CCDC57: variants seen among roughly 807,000 people sequenced by gnomAD.
CCDC57 encodes the protein coiled-coil domain containing 57, also known as coiled-coil domain-containing protein 57.
A neutral mutation model predicts 118.9 loss-of-function variants in CCDC57; 118 were observed. The ratio of observed to expected loss-of-function variants is 0.99; its 90% CI spans 0.86 to 1.16. The LOEUF (loss-of-function observed/expected upper bound fraction) is 1.16, where lower values mean the gene tolerates loss of function less well. Among genes scored for constraint, CCDC57 ranks in the 50% most tolerant of loss-of-function variants. The pLI is 0.00. For missense variants in CCDC57, 1,300 were observed against 1,320.7 expected (o/e 0.98, Z 0.24); for synonymous variants, 527 against 532.9 (o/e 0.99, Z 0.15).
At chr17:82,195,780 C>T (rs2048228955) in intron 4 of CCDC57, among the ~76,000 whole-genome samples, 1 of 152,130 alleles carries the variant, frequency 6.6e-6, no homozygotes, top group Non-Finnish European at 1.5e-5. Flanking sequence ...AACTAAAAGG[C>T]TGAGATGCCG....
At chr17:82,129,117 C>A (rs1194030346) in intron 17 of CCDC57, among the ~76,000 whole-genome samples, 2 of 152,122 alleles carry the variant, frequency 1.3e-5, no homozygotes, top group African/African-American at 4.8e-5. Flanking sequence ...CAGGGTTTCA[C>A]CATATTAGCC....
intron 19 of CCDC57, among the ~76,000 whole-genome samples, chr17:82,119,654 A>C (rs1017950621): frequency 4.6e-5 from 7 of 151,906 alleles, no homozygotes; most frequent in Non-Finnish European, 1.0e-4. Flanking sequence ...CAGGTGCTGC[A>C]AGGTCTGCAG....
At chr17:82,152,199 G>A (rs1046367924) in intron 15 of CCDC57, 4 of 195,400 alleles carry the variant, frequency 2.0e-5, no homozygotes, top group Admixed American at 5.3e-5. Context: ...CCAGGAAGGC[G>A]GCCCAGGGAG....
chr17:82,107,640 G>A (rs2034956317), intron 19 of CCDC57: 1 of 468,334 alleles, frequency 2.1e-6, no homozygotes, highest in Non-Finnish European at 4.4e-6. Context: ...ACAGGAGAAG[G>A]AGGGCAGCCT....
chr17:82,122,344 A>G (rs2036822546), intron 19 of CCDC57, among the ~76,000 whole-genome samples: 1 of 118,638 alleles, frequency 8.4e-6, no homozygotes, highest in African/African-American at 3.2e-5. Flanking sequence ...CCACTGCTGC[A>G]GACCCTTTGC....
intron 1 of CCDC57, among the ~76,000 whole-genome samples, chr17:82,211,138 C>T (rs1671525878): frequency 1.3e-5 from 2 of 152,126 alleles, no homozygotes; most frequent in South Asian, 4.2e-4. Context: ...ACTTGGCAGA[C>T]ACCACCTCAG....
chr17:82,115,440 A>T lies in CCDC57; in HGVS notation c.2899+12252T>A, dbSNP rs374574972. Among the ~76,000 whole-genome samples the T allele has an allele frequency of 7.9e-5, 12 of 152,266 alleles. No individual in the cohort carries two copies. In the South Asian group the frequency reaches 2.5e-3, roughly 32 times the overall value. ...ACAAACAGTTTAAAAAAATTAACCG[A>T]GTTAGCAGCCAGTTAACAGAATTAT... is the stretch of plus-strand genomic sequence containing the variant. On this transcript the variant is annotated intron_variant, in intron 19 of 19. Transcript: ENST00000665763.
At chr17:82,210,674 T>A (rs2050112728) in intron 1 of CCDC57, among the ~76,000 whole-genome samples, 1 of 117,498 alleles carries the variant, frequency 8.5e-6, no homozygotes, top group African/African-American at 3.4e-5. Context: ...AGAGAGAGAC[T>A]CAGTCTCAAA....
intron 19 of CCDC57, among the ~76,000 whole-genome samples, chr17:82,116,671 C>G (rs2035962889): frequency 6.6e-6 from 1 of 152,312 alleles, no homozygotes; most frequent in African/African-American, 2.4e-5. Flanking sequence ...GGCCTCATTT[C>G]TGCATTTGAC....
chr17:82,180,050 G>A (rs2046011704), intron 9 of CCDC57, among the ~76,000 whole-genome samples: 1 of 152,198 alleles, frequency 6.6e-6, no homozygotes, highest in Admixed American at 6.5e-5. Context: ...CTCTGCGTGA[G>A]ACTGGAGGGA....
chr17:82,121,213 G>A (rs973112577), intron 19 of CCDC57, among the ~76,000 whole-genome samples: 4 of 152,146 alleles, frequency 2.6e-5, no homozygotes, highest in Admixed American at 2.0e-4. Flanking sequence ...CAGTGAGACC[G>A]TGTTTCTAAA....
At chr17:82,158,005 G>GC in intron 14 of CCDC57, 57 bp from the exon 14 acceptor site, 1 of 1,514,236 alleles carries the variant, frequency 6.6e-7, no homozygotes, top group Non-Finnish European at 8.9e-7. Flanking sequence ...GCTGGAGCAG[G>GC]CCCCTGGGCA....
intron 19 of CCDC57, among the ~76,000 whole-genome samples, chr17:82,116,030 C>T (rs1251281633): frequency 6.6e-6 from 1 of 150,508 alleles, no homozygotes; most frequent in African/African-American, 2.4e-5. Context: ...AACTCCTGAC[C>T]TCATGATCCA....
chr17:82,142,046 C>A (rs145848129), intron 16 of CCDC57, among the ~76,000 whole-genome samples: 1 of 152,214 alleles, frequency 6.6e-6, no homozygotes, highest in East Asian at 1.9e-4. Flanking sequence ...TAGATTTGTG[C>A]TTTTTTGACC....
At chr17:82,114,514 G>T (rs543289207) in intron 19 of CCDC57, among the ~76,000 whole-genome samples, 45 of 152,360 alleles carry the variant, frequency 3.0e-4, no homozygotes, top group Non-Finnish European at 6.0e-4. Context: ...CAGCTCAAAA[G>T]CACAGGACCC....
intron 16 of CCDC57, among the ~76,000 whole-genome samples, chr17:82,143,451 G>C (rs1470191086): frequency 6.6e-6 from 1 of 150,652 alleles, no homozygotes; most frequent in Non-Finnish European, 1.5e-5. Context: ...GAAACCCCTG[G>C]AAAGGGGGAG....
intron 2 of CCDC57, chr17:82,207,518 T>G (rs1360885565): frequency 6.6e-6 from 1 of 152,144 alleles, no homozygotes; most frequent in Non-Finnish European, 1.5e-5. Flanking sequence ...ACCCCCGGAT[T>G]GATAAACTGG....
rs373163923 is a variant in CCDC57 at position 82,188,339 on chromosome 17, T to A, written c.932A>T (p.Gln311Leu). ...CTCCAGAACCCTGGTCTGCAGCTCC[T>A]GCAGCTGCTCCACGTGGGCTCCCTT... The change falls in exon 8 of 20, where the codon CAG becomes CTG. Residue 311 changes from glutamine to leucine, a missense_variant. By Grantham distance (113) the Gln-to-Leu change is moderately radical. Coordinates refer to ENST00000665763, the Ensembl canonical transcript of CCDC57. The A allele has an allele frequency of 1.7e-5, 28 of 1,609,512 alleles. No individual in the cohort carries two copies. In the African/African-American group the frequency reaches 3.7e-4, roughly 21 times the overall value.
intron 13 of CCDC57, among the ~76,000 whole-genome samples, chr17:82,170,433 G>C (rs1200135534): frequency 6.6e-6 from 1 of 151,666 alleles, no homozygotes; most frequent in Non-Finnish European, 1.5e-5. Flanking sequence ...GCTTGAACTT[G>C]GGAGGCAGAG....
Sources: allele counts gnomAD v4.1 joint callset (sites outside exome capture counted in the v4.1 genomes callset), GRCh38; gene constraint gnomAD v4.1.1; transcripts MANE v1.5; gene names NCBI Gene and HGNC (gene_info 2026-07-23, HGNC 2026-07-21).